Variants in EEF1D observed in about 807,000 individuals in gnomAD.
EEF1D encodes eukaryotic translation elongation factor 1 delta.
In EEF1D, 47 loss-of-function variants were observed where a neutral mutation model predicts 63.9. The ratio of observed to expected loss-of-function variants is 0.74; its 90% CI spans 0.58 to 0.94. The LOEUF (loss-of-function observed/expected upper bound fraction) is 0.94. EEF1D is among the 40% of genes least tolerant of loss of function. The pLI is 0.00. For missense variants in EEF1D, 907 were observed against 899.0 expected, an observed-to-expected ratio of 1.01 and a Z score of -0.11; for synonymous variants, 412 against 386.1, an observed-to-expected ratio of 1.07 and a Z score of -0.79.
Position 143,586,203 on chromosome 8 carries a change from G to T in EEF1D, c.1287+16C>A. On this transcript the variant is annotated intron_variant, in intron 5 of 9. Transcript: ENST00000618139. ...CCGAGCAGGAGCCCGCAGGTCCGTG[G>T]GCCGCGGGTACTCACTCCAGCCAGG... 6.2e-7 allele frequency: 1 copy of T among 1,603,614 alleles called. No homozygotes were observed. The highest frequency in any genetic ancestry group is 1.1e-5 in the South Asian group (1 of 89,900).
Position 143,581,003 on chromosome 8 carries a change from C to T in EEF1D, c.1488+51G>A, listed in dbSNP as rs1226762336. On this transcript the variant is annotated intron_variant, in intron 7 of 9. Coordinates refer to ENST00000618139, the MANE Select transcript of EEF1D (RefSeq NM_001130053.5). ...CCAGCCCACAGGGCGACGTGGAAGC[C>T]AGCAGGGCCACGTGGTCCCCTGCAG... 1.9e-6 allele frequency: 3 copies of T among 1,584,124 alleles called. No homozygotes were observed. In the African/African-American group the frequency reaches 4.0e-5, roughly 21 times the overall value.
chr8:143,587,744 G>A (rs559794497), intron 3 of EEF1D, among the ~76,000 whole-genome samples: 1 of 152,228 alleles, frequency 6.6e-6, no homozygotes, highest in Non-Finnish European at 1.5e-5. Context: ...ACCATGGCCC[G>A]CAGGCAAATC....
At chr8:143,591,287 C>T (rs1432170745) in intron 2 of EEF1D, among the ~76,000 whole-genome samples, 1 of 152,242 alleles carries the variant, frequency 6.6e-6, no homozygotes, top group Non-Finnish European at 1.5e-5. Context: ...GCCTCAGCCT[C>T]CTCCCTGGAT....
chr8:143,586,239 T>C lies in EEF1D; in HGVS notation c.1267A>G (p.Ile423Val). ...CTCACTCCAGCCAGGGATTTCTGGATGTTCTCTCTGGCTCTCGCAATGTCA... is the reference window on the plus strand; with the variant it reads ...CTCACTCCAGCCAGGGATTTCTGGACGTTCTCTCTGGCTCTCGCAATGTCA... ...LRDIARAREN[I>V]QKSLAGSSGP... The change falls in exon 5 of 10, where the codon ATC becomes GTC. Residue 423 changes from isoleucine to valine, a missense_variant. Transcript: ENST00000618139. The C allele has an allele frequency of 6.2e-7, 1 of 1,609,944 alleles. No homozygotes were observed. Among genetic ancestry groups the C allele is most frequent in the South Asian group, 1.1e-5 (1 of 90,524 alleles).
In EEF1D at chr8:143,592,654, T is replaced by C. The variant is rs904254976; in HGVS notation, c.-8A>G. The C allele has an allele frequency of 1.3e-4, 127 of 985,552 alleles. No homozygotes were observed. The African/African-American group carries it at 1.9e-3, about 15-fold the overall frequency. The allele number at this position is 985,552 out of a possible 1,614,324, so 61.1% of individuals were successfully genotyped here. Reference sequence around the variant, plus strand: ...GGACAGGCGAGTACTTACTTTGCTTTGGCCTCCTAGGACAGCATGAAGGAA... The same window carrying C: ...GGACAGGCGAGTACTTACTTTGCTTCGGCCTCCTAGGACAGCATGAAGGAA... On this transcript the variant is annotated 5_prime_UTR_variant, in exon 2 of 10. Transcript: ENST00000618139.
At chr8:143,581,376 G>T (rs766455968) in intron 5 of EEF1D, 48 bp from the exon 6 acceptor site, 1 of 1,548,674 alleles carries the variant, frequency 6.5e-7, no homozygotes, top group Non-Finnish European at 8.8e-7. Flanking sequence ...CTGCTCCTAG[G>T]GTCCCCCTGC....
Position 143,581,102 on chromosome 8 carries a change from C to T in EEF1D, c.1440G>A (p.Val480=). Residue 480 remains valine, a synonymous_variant, in exon 7 of 10, where the codon GTG becomes GTA. Coordinates refer to ENST00000618139, the MANE Select transcript of EEF1D (RefSeq NM_001130053.5). ...AISKLEARLN[V]LEKSSPGHRA... ...GGTGGCCAGGCGAGCTCTTCTCCAG[C>T]ACGTTCAGCCGGGCCTCCAGCTTGG... 2 of 1,612,806 alleles carry T rather than the reference C, an allele frequency of 1.2e-6. No homozygotes were observed. Among genetic ancestry groups the T allele is most frequent in the Non-Finnish European group, 1.7e-6 (2 of 1,179,968 alleles).
chr8:143,580,842 G>C, intron 7 of EEF1D, 115 bp from the exon 8 acceptor site: 1 of 1,289,986 alleles, frequency 7.8e-7, no homozygotes, highest in East Asian at 2.3e-5. Flanking sequence ...GGCAGCCCCT[G>C]TGTACCGCAG....
chr8:143,586,313 C>G (rs1182121164), intron 4 of EEF1D, 23 bp from the exon 5 acceptor site: 3 of 1,517,542 alleles, frequency 2.0e-6, no homozygotes, highest in Non-Finnish European at 2.6e-6. Flanking sequence ...CAGAAAGAAC[C>G]AGTCTTTTTT....
rs1185889521 is a variant in EEF1D at position 143,586,852 on chromosome 8, G to A, written c.1092C>T (p.Asn364=). Residue 364 remains asparagine (N), a splice_region_variant and synonymous_variant, in exon 4 of 10, where the codon AAC becomes AAT. Transcript: ENST00000618139. ...CTAGGAAGTTTGTAGCCATTTTTCT[G>A]CTGGGAGGGGAAAGAGGCAAAGTCA... is the stretch of plus-strand genomic sequence containing the variant. ...SGLSVSSLRP[N]RKMATNFLAH... is the part of the protein sequence containing the mutation. The A allele has an allele frequency of 6.2e-7, 1 of 1,613,644 alleles. No homozygotes were observed. Among genetic ancestry groups the A allele is most frequent in the East Asian group, 2.2e-5 (1 of 44,878 alleles).
rs574744290 is a variant in EEF1D at position 143,579,975 on chromosome 8, TCTCCTCTCCC to T, written c.1905+27_1905+36del. Reference sequence around the variant, plus strand: ...GCAGGGTATGGGCCAGGGTCCCCAGTCTCCTCTCCCCTCCTCTCCCCGGCCGGCTCACTCA... The same window carrying T: ...GCAGGGTATGGGCCAGGGTCCCCAGTCTCCTCTCCCCGGCCGGCTCACTCA... On this transcript the variant is annotated intron_variant, in intron 9 of 9. Coordinates refer to ENST00000618139, the MANE Select transcript of EEF1D (RefSeq NM_001130053.5). 310 of 1,597,208 alleles carry T rather than the reference TCTCCTCTCCC, an allele frequency of 1.9e-4. 1 individual carries two copies. In the African/African-American group the frequency reaches 3.6e-3, roughly 19 times the overall value.
rs757117888 is a variant in EEF1D at position 143,589,825 on chromosome 8, T to C, written c.257A>G (p.Lys86Arg). Residue 86 changes from lysine to arginine, a missense_variant, in exon 3 of 10, where the codon AAA (lysine) becomes AGA (arginine). By Grantham distance (26) the Lys-to-Arg change is conservative. Transcript: ENST00000618139. ...GCTCTTGGGGGAGCGCTTCCTCTTT[T>C]TCTGCAGGGGCTTCCTGCTGTCCTG... Reference protein sequence around the residue: ...KSQDSRKPLQKKRKRSPKSGL... With the variant: ...KSQDSRKPLQRKRKRSPKSGL... The C allele has an allele frequency of 2.5e-6, 4 of 1,603,790 alleles. No individual in the cohort carries two copies. Among genetic ancestry groups the C allele is most frequent in the East Asian group, 2.2e-5 (1 of 44,752 alleles).
intron 4 of EEF1D, among the ~76,000 whole-genome samples, 162 bp downstream of exon 4, chr8:143,586,567 C>T (rs1164394016): frequency 2.0e-5 from 3 of 152,130 alleles, no homozygotes; most frequent in Admixed American, 6.5e-5. Context: ...CCCGGGGGCC[C>T]GGCCAAGGCC....
In EEF1D at chr8:143,586,741, A is replaced by G; in HGVS notation, c.1203T>C (p.Gly401=). ...GTGCAGCTCTCACCTGGCGGGAGGC[A>G]CCTGCCACAGGCCCGTTCATCTGCT... ...FYEQMNGPVA[G]ASRQENGASV... Residue 401 remains glycine (G), a synonymous_variant, in exon 4 of 10, where the codon GGT becomes GGC. Coordinates refer to ENST00000618139, the MANE Select transcript of EEF1D (RefSeq NM_001130053.5). 1 of 1,613,236 alleles carries G rather than the reference A, an allele frequency of 6.2e-7. No homozygotes were observed. Among genetic ancestry groups the G allele is most frequent in the South Asian group, 1.1e-5 (1 of 91,078 alleles).
intron 2 of EEF1D, chr8:143,592,224 G>T: frequency 1.0e-6 from 1 of 985,524 alleles, no homozygotes; most frequent in Non-Finnish European, 1.2e-6. Flanking sequence ...AGCCGTGCAG[G>T]TCCCATCAGC....
rs532050197 is a variant in EEF1D at position 143,589,237 on chromosome 8, TTGCGGCCCCGCCGGTCTC to T, written c.827_844del (p.Arg276_Arg281del). On this transcript the variant is annotated inframe_deletion, in exon 3 of 10. Coordinates refer to ENST00000618139, the MANE Select transcript of EEF1D (RefSeq NM_001130053.5). Reference sequence around the variant, plus strand: ...CCCGGCCCGCTTGTTCCCTAAGATGTTGCGGCCCCGCCGGTCTCTGCGGCCCCGCCGGGCACCCTCGGC... The same window carrying T: ...CCCGGCCCGCTTGTTCCCTAAGATGTTGCGGCCCCGCCGGGCACCCTCGGC... The T allele has an allele frequency of 2.7e-4, 430 of 1,565,192 alleles. No homozygotes were observed. Among genetic ancestry groups the T allele is most frequent in the Admixed American group, 4.6e-4 (25 of 54,112 alleles).
chr8:143,580,743 G>A lies in EEF1D; in HGVS notation c.1489-16C>T. The A allele has an allele frequency of 6.2e-7, 1 of 1,611,410 alleles. No homozygotes were observed. The highest frequency in any genetic ancestry group is 1.1e-5 in the South Asian group (1 of 91,084). ...GAGATACGTGCTGCCACAGGGGAAG[G>A]GACAGGAGGCACGGCTGAGACGCCC... On this transcript the variant is annotated splice_polypyrimidine_tract_variant and intron_variant, in intron 7 of 9. Coordinates refer to ENST00000618139, the MANE Select transcript of EEF1D (RefSeq NM_001130053.5).
chr8:143,586,954 GA>G, intron 3 of EEF1D, 102 bp from the exon 4 acceptor site: 2 of 1,499,638 alleles, frequency 1.3e-6, no homozygotes, highest in Non-Finnish European at 1.8e-6. Flanking sequence ...ACCCGCTTCA[GA>G]CACCAGCGGT....
chr8:143,587,033 ACGAGGAGTTCTCAAAGTGTGGTC>A, intron 3 of EEF1D, 181 bp from the exon 4 acceptor site: 1 of 741,332 alleles, frequency 1.3e-6, no homozygotes, highest in Non-Finnish European at 2.1e-6. Context: ...TGTCTTCCAG[ACGAGGAGTTCTCAAAGTGTGGTC>A]CGAGAACCTC....
Sources: gnomAD v4.1 joint callset for allele counts (sites outside exome capture counted in the v4.1 genomes callset) on GRCh38, gnomAD v4.1.1 for gene constraint, MANE v1.5 for transcripts, NCBI Gene and HGNC (gene_info 2026-07-23, HGNC 2026-07-21) for gene names.